Variants in SLC2A5 observed in about 807,000 individuals in gnomAD.
SLC2A5 encodes the protein solute carrier family 2, facilitated glucose transporter member 5.
SLC2A5 carries 56 observed loss-of-function variants against 50.3 expected under a neutral mutation model. The observed-to-expected ratio is 1.11, with a 90% CI of 0.90 to 1.39. The LOEUF is 1.39. Among genes scored for constraint, SLC2A5 ranks in the 40% most tolerant of loss-of-function variants. The pLI, the probability that SLC2A5 is intolerant of heterozygous loss-of-function variation, is 0.00. For synonymous variants in SLC2A5, 269 were observed against 281.9 expected, an observed-to-expected ratio of 0.95 and a Z score of 0.46; for missense variants, 566 against 650.1, an observed-to-expected ratio of 0.87 and a Z score of 1.41.
intron 2 of SLC2A5, among the ~76,000 whole-genome samples, chr1:9,077,261 T>C (rs982365574): frequency 1.3e-4 from 20 of 150,252 alleles, no homozygotes; most frequent in Non-Finnish European, 2.7e-4. Context: ...TAGCCAGGCA[T>C]GGTGCTGCAT....
At chr1:9,039,044 A>G in intron 8 of SLC2A5, 115 bp from the exon 9 acceptor site, 3 of 1,203,420 alleles carry the variant, frequency 2.5e-6, no homozygotes, top group East Asian at 2.6e-5. Flanking sequence ...ACCCATGTGC[A>G]CGCACACTCA....
At chr1:9,075,269 C>G (rs975210506) in intron 2 of SLC2A5, among the ~76,000 whole-genome samples, 3 of 152,068 alleles carry the variant, frequency 2.0e-5, no homozygotes, top group African/African-American at 7.2e-5. Flanking sequence ...TCACAGACTT[C>G]CCGTTTCACA....
At chr1:9,064,988 G>A (rs1642043284) in intron 1 of SLC2A5, among the ~76,000 whole-genome samples, 1 of 151,152 alleles carries the variant, frequency 6.6e-6, no homozygotes, top group Non-Finnish European at 1.5e-5. Context: ...GGGAGGTGGA[G>A]GTTGCAGTGA....
At chr1:9,045,747 G>A (rs1641417880) in intron 4 of SLC2A5, among the ~76,000 whole-genome samples, 1 of 151,844 alleles carries the variant, frequency 6.6e-6, no homozygotes, top group African/African-American at 2.4e-5. Flanking sequence ...GCGGGCAGCT[G>A]TAATCCCAGC....
intron 1 of SLC2A5, among the ~76,000 whole-genome samples, chr1:9,087,685 G>A (rs777084080): frequency 3.9e-5 from 6 of 152,032 alleles, no homozygotes; most frequent in Middle Eastern, 3.2e-3. Context: ...CTTTTCAAGC[G>A]ATTTATGTGA....
intron 3 of SLC2A5, among the ~76,000 whole-genome samples, chr1:9,056,147 T>A (rs1016642923): frequency 2.6e-5 from 4 of 152,070 alleles, no homozygotes; most frequent in Non-Finnish European, 4.4e-5. Flanking sequence ...CACTAATCTC[T>A]CAAGAGGATG....
At chr1:9,084,615 C>T (rs1009286795) in intron 2 of SLC2A5, among the ~76,000 whole-genome samples, 7 of 152,200 alleles carry the variant, frequency 4.6e-5, no homozygotes, top group Admixed American at 3.9e-4. Flanking sequence ...CAGCACATCA[C>T]GGACTCTGGT....
intron 3 of SLC2A5, among the ~76,000 whole-genome samples, chr1:9,053,402 T>A (rs1208709090): frequency 1.6e-5 from 1 of 60,986 alleles, no homozygotes; most frequent in Non-Finnish European, 3.1e-5. Context: ...TATTATATAT[T>A]TATATATTAT....
rs1361455375 is a variant in SLC2A5 at position 9,039,604 on chromosome 1, T to G, written c.944A>C (p.Gln315Pro). 6.3e-7 allele frequency: 1 copy of G among 1,576,484 alleles called. No individual in the cohort carries two copies. Among genetic ancestry groups the G allele is most frequent in the South Asian group, 1.2e-5 (1 of 86,168 alleles). ...GGCCCCGGTGCCGGCCGTCACGTAC[T>G]GCACGTGCTCCTCCGGCACGCCGGC... ...LSAGVPEEHV[Q>P]YVTAGTGAVN... The change falls in exon 8 of 12, where the codon CAG (glutamine) becomes CCG (proline). Residue 315 changes from glutamine to proline, a missense_variant. Physicochemically the swap from Gln to Pro is moderately conservative, Grantham distance 76. Transcript: ENST00000377424.
chr1:9,037,958 A>G lies in SLC2A5; in HGVS notation c.1241T>C (p.Val414Ala), dbSNP rs754938933. 6.2e-7 allele frequency: 1 copy of G among 1,613,982 alleles called. No homozygotes were observed. The highest frequency in any genetic ancestry group is 1.7e-5 in the Admixed American group (1 of 60,026). The change falls in exon 11 of 12, where the codon GTG (valine) becomes GCG (alanine). Residue 414 changes from valine (V) to alanine (A), a missense_variant. Coordinates refer to ENST00000377424, the MANE Select transcript of SLC2A5 (RefSeq NM_003039.3). ...GGAGAGCCAGTGCACACTGCCCCCC[A>G]CCATGAAGGCAGATGGCCGAGAGGA... ...LQSSRPSAFM[V>A]GGSVHWLSNF... is the part of the protein sequence containing the mutation.
chr1:9,057,312 A>AAAAG lies in SLC2A5; in HGVS notation c.293+132_293+135dup, dbSNP rs1553169949. ...AAAATTAAAAAAAAAAAAAAAAAAA[A>AAAAG]AAAGAAAGAAAAAAGAAAAATGACC... On this transcript the variant is annotated intron_variant, in intron 3 of 11. Coordinates refer to ENST00000377424, the MANE Select transcript of SLC2A5 (RefSeq NM_003039.3). 443 of 390,906 alleles carry AAAAG rather than the reference A, an allele frequency of 1.1e-3. 3 individuals carry two copies. The highest frequency in any genetic ancestry group is 1.9e-3 in the South Asian group (18 of 9,470). 24.2% of individuals were successfully genotyped at this position (390,906 alleles called of 1,614,324 possible).
At chr1:9,093,889 G>A in the SLC2A5 span, among the ~76,000 whole-genome samples, 10 of 152,046 alleles carry the variant, frequency 6.6e-5, no homozygotes, top group Admixed American at 1.3e-4. Context: ...AAGGAGCTTC[G>A]TTTTTGGAAA....
Position 9,039,870 on chromosome 1 carries a change from C to T in SLC2A5, c.815G>A (p.Arg272His), listed in dbSNP as rs756060508. 6.2e-7 allele frequency: 1 copy of T among 1,612,068 alleles called. No homozygotes were observed. Among genetic ancestry groups the T allele is most frequent in the South Asian group, 1.1e-5 (1 of 90,992 alleles). Residue 272 changes from arginine (R) to histidine (H), a missense_variant, in exon 7 of 12, where the codon CGC (arginine) becomes CAC (histidine). By Grantham distance (29) the Arg-to-His change is conservative. Coordinates refer to ENST00000377424, the MANE Select transcript of SLC2A5 (RefSeq NM_003039.3). ...FISVLKLFRM[R>H]SLRWQLLSII... Reference sequence around the variant, plus strand: ...GGACAGCAGCTGCCAGCGCAGCGAGCGCATCCGGAACAGCTTCAGCACGGA... The same window carrying T: ...GGACAGCAGCTGCCAGCGCAGCGAGTGCATCCGGAACAGCTTCAGCACGGA...
chr1:9,066,237 T>G (rs966272595), intron 1 of SLC2A5, among the ~76,000 whole-genome samples: 4 of 147,658 alleles, frequency 2.7e-5, no homozygotes, highest in East Asian at 2.0e-4. Context: ...CAATCCTTTG[T>G]TTTTTTTTTG....
chr1:9,047,880 A>T, intron 3 of SLC2A5, 146 bp from the exon 4 acceptor site: 1 of 789,174 alleles, frequency 1.3e-6, no homozygotes, highest in East Asian at 2.8e-5. Flanking sequence ...CCTGAGACTG[A>T]TACAGGTCAA....
At chr1:9,050,188 A>C (rs1289257729) in intron 3 of SLC2A5, among the ~76,000 whole-genome samples, 1 of 152,062 alleles carries the variant, frequency 6.6e-6, no homozygotes, top group Admixed American at 6.5e-5. Flanking sequence ...GAGGCTAGAG[A>C]ATTGCTTGAA....
intron 2 of SLC2A5, among the ~76,000 whole-genome samples, chr1:9,080,002 T>C (rs6673259): frequency 0.1 from 15,304 of 152,224 alleles, 1,059 homozygotes; most frequent in East Asian, 0.26. Context: ...ACCATTCTAC[T>C]TTTCTGCTTC....
chr1:9,042,068 C>T (rs1641319381), intron 4 of SLC2A5, 131 bp from the exon 5 acceptor site: 2 of 1,263,664 alleles, frequency 1.6e-6, no homozygotes, highest in Non-Finnish European at 2.1e-6. Context: ...AAGGAGAAAG[C>T]AAACACCTCT....
At chr1:9,057,041 C>A (rs1328638991) in intron 3 of SLC2A5, among the ~76,000 whole-genome samples, 1 of 152,164 alleles carries the variant, frequency 6.6e-6, no homozygotes, top group East Asian at 1.9e-4. Flanking sequence ...CCTGTAATCC[C>A]AGCACTCTGG....
Sources: gnomAD v4.1 joint callset for allele counts (sites outside exome capture counted in the v4.1 genomes callset) on GRCh38, gnomAD v4.1.1 for gene constraint, MANE v1.5 for transcripts, NCBI Gene and HGNC (gene_info 2026-07-23, HGNC 2026-07-21) for gene names.